Variants in PRR5 observed in about 807,000 individuals in gnomAD.
PRR5 encodes proline-rich protein 5.
A neutral mutation model predicts 30.6 loss-of-function variants in PRR5; 25 were observed. The ratio of observed to expected loss-of-function variants is 0.82; its 90% CI spans 0.60 to 1.14. PRR5 has a LOEUF of 1.14. PRR5 is among the 50% of genes most tolerant of loss of function. The pLI, the probability that PRR5 is intolerant of heterozygous loss-of-function variation, is 0.00. For missense variants in PRR5, 600 were observed against 547.1 expected (o/e 1.10, Z -0.96); for synonymous variants, 286 against 247.1 (o/e 1.16, Z -1.48).
intron 6 of PRR5, among the ~76,000 whole-genome samples, chr22:44,733,665 G>A (rs1462784401): frequency 6.6e-6 from 1 of 152,134 alleles, no homozygotes; most frequent in African/African-American, 2.4e-5. Flanking sequence ...GGCAGGATAG[G>A]TGAGGACTTG....
At chr22:44,718,080 G>C (rs959587831) in intron 2 of PRR5, among the ~76,000 whole-genome samples, 6 of 152,022 alleles carry the variant, frequency 3.9e-5, no homozygotes, top group African/African-American at 1.4e-4. Flanking sequence ...ACAGCATATC[G>C]CATCCACCTC....
intron 1 of PRR5, among the ~76,000 whole-genome samples, chr22:44,680,183 T>C (rs1453555091): frequency 6.6e-6 from 1 of 152,054 alleles, no homozygotes; most frequent in Non-Finnish European, 1.5e-5. Context: ...GGTCACAGGG[T>C]CCAGGGTTCA....
chr22:44,701,831 C>A (rs190865375), upstream of PRR5, among the ~76,000 whole-genome samples: 11 of 152,268 alleles, frequency 7.2e-5, no homozygotes, highest in African/African-American at 2.6e-4. Flanking sequence ...ACGGAGGCAC[C>A]TCTGTGGCAC....
Position 44,737,069 on chromosome 22 carries a change from A to G in PRR5, c.989A>G (p.Glu330Gly). 6.2e-7 allele frequency: 1 copy of G among 1,610,496 alleles called. No individual in the cohort carries two copies. Among genetic ancestry groups the G allele is most frequent in the Non-Finnish European group, 8.5e-7 (1 of 1,179,428 alleles). Residue 330 changes from glutamate (E) to glycine (G), a missense_variant, in exon 8 of 8, where the codon GAG (glutamate) becomes GGG (glycine). Coordinates refer to ENST00000336985, the MANE Select transcript of PRR5 (RefSeq NM_181333.4). The part of the protein sequence containing the change: ...SRLYPTTQPP[E>G]QGLDPTRSSL... ...CTGTACCCCACGACCCAGCCCCCTG[A>G]GCAGGGCTTGGATCCCACCCGCAGC...
intron 1 of PRR5, among the ~76,000 whole-genome samples, chr22:44,678,996 C>A (rs1483971436): frequency 2.6e-5 from 4 of 152,174 alleles, no homozygotes; most frequent in Non-Finnish European, 4.4e-5. Context: ...ATTAAGATTT[C>A]TGGGGCCTTG....
chr22:44,730,420 T>C (rs1036895535), intron 4 of PRR5: 1 of 985,234 alleles, frequency 1.0e-6, no homozygotes, highest in Non-Finnish European at 1.2e-6. Flanking sequence ...TCATCCCAGC[T>C]CCGCTCAGTC....
intron 1 of PRR5, among the ~76,000 whole-genome samples, chr22:44,696,520 A>G (rs929113): frequency 6.6e-6 from 1 of 152,114 alleles, no homozygotes; most frequent in Non-Finnish European, 1.5e-5. Context: ...CCTGCTGGCC[A>G]GAGCCCCCTC....
At chr22:44,717,057 T>C (rs1466563415) in intron 2 of PRR5, among the ~76,000 whole-genome samples, 1 of 151,346 alleles carries the variant, frequency 6.6e-6, no homozygotes, top group Non-Finnish European at 1.5e-5. Context: ...TAAGACCCCA[T>C]CTCAAAAGAA....
chr22:44,735,281 T>C, intron 7 of PRR5, 119 bp downstream of exon 7: 7 of 1,349,818 alleles, frequency 5.2e-6, no homozygotes, highest in Non-Finnish European at 6.9e-6. Context: ...AGACTGGTTC[T>C]CAGCCGGGCA....
intron 1 of PRR5, among the ~76,000 whole-genome samples, chr22:44,687,739 C>A (rs7285102): frequency 0.052 from 7,864 of 152,158 alleles, 420 homozygotes; most frequent in African/African-American, 0.14. Context: ...TCTCCACCCC[C>A]ACAAGGCTGC....
Position 44,702,572 on chromosome 22 carries a change from A to G in PRR5, c.98A>G (p.Gln33Arg). ...GCCGCCGCGGACGAGCGGGGCACGC[A>G]GCAGCGCCGGGCCTGCGCCAACGCC... ...PAAAADERGT[Q>R]QRRACANATW... is the part of the protein sequence containing the mutation. The change falls in exon 1 of 8, where the codon CAG (glutamine) becomes CGG (arginine). Residue 33 changes from glutamine (Q) to arginine (R), a missense_variant. Transcript: ENST00000336985. 1 of 1,414,924 alleles carries G rather than the reference A, an allele frequency of 7.1e-7. No individual in the cohort carries two copies. Among genetic ancestry groups the G allele is most frequent in the Non-Finnish European group, 9.2e-7 (1 of 1,082,832 alleles). 87.6% of individuals were successfully genotyped at this position (1,414,924 alleles called of 1,614,324 possible).
At chr22:44,671,837 T>A (rs1923445821) in intron 1 of PRR5, among the ~76,000 whole-genome samples, 1 of 152,238 alleles carries the variant, frequency 6.6e-6, no homozygotes, top group African/African-American at 2.4e-5. Flanking sequence ...CCTGCCGCAC[T>A]CTAGGCTGTA....
chr22:44,735,277 G>A (rs1326527576), intron 7 of PRR5, 115 bp downstream of exon 7: 1 of 1,359,202 alleles, frequency 7.4e-7, no homozygotes, highest in African/African-American at 1.5e-5. Flanking sequence ...CTCCAGACTG[G>A]TTCTCAGCCG....
At chr22:44,686,597 C>A (rs901756650) in intron 1 of PRR5, among the ~76,000 whole-genome samples, 1 of 152,156 alleles carries the variant, frequency 6.6e-6, no homozygotes, top group African/African-American at 2.4e-5. Context: ...CTCACTGCAA[C>A]CTCCACCTCC....
intron 1 of PRR5, among the ~76,000 whole-genome samples, chr22:44,696,567 G>A (rs896815913): frequency 1.3e-5 from 2 of 152,072 alleles, no homozygotes; most frequent in African/African-American, 2.4e-5. Context: ...ACAAAAGGAG[G>A]GCACGTGTCT....
chr22:44,698,323 G>A (rs193089515), upstream of PRR5, among the ~76,000 whole-genome samples: 20 of 148,960 alleles, frequency 1.3e-4, no homozygotes, highest in African/African-American at 4.6e-4. Context: ...TCTGGAGCAG[G>A]GGTGGCTCTG....
At chr22:44,679,649 T>G in intron 1 of PRR5, 1 of 643,630 alleles carries the variant, frequency 1.6e-6, no homozygotes, top group Non-Finnish European at 2.6e-6. Context: ...GCGGTTGCAG[T>G]GAGCCGAGAT....
chr22:44,670,474 T>C (rs1923358814), intron 1 of PRR5, among the ~76,000 whole-genome samples: 1 of 152,172 alleles, frequency 6.6e-6, no homozygotes, highest in African/African-American at 2.4e-5. Context: ...GCGATCATCA[T>C]ATTACCCCCA....
intron 2 of PRR5, among the ~76,000 whole-genome samples, chr22:44,720,060 C>T (rs1350825477): frequency 6.6e-6 from 1 of 152,156 alleles, no homozygotes; most frequent in Non-Finnish European, 1.5e-5. Flanking sequence ...TGAGGACATC[C>T]ACACCCCCTC....
Sources: gnomAD v4.1 joint callset for allele counts (sites outside exome capture counted in the v4.1 genomes callset) on GRCh38, gnomAD v4.1.1 for gene constraint, MANE v1.5 for transcripts, NCBI Gene and HGNC (gene_info 2026-07-23, HGNC 2026-07-21) for gene names.